ATP8B4: variants seen among roughly 807,000 people sequenced by gnomAD.
ATP8B4 encodes probable phospholipid-transporting ATPase IM.
In ATP8B4, 133 loss-of-function variants were observed where a neutral mutation model predicts 145.6. The observed-to-expected ratio is 0.91, with a 90% CI of 0.79 to 1.05. The LOEUF is 1.05. Ranked by LOEUF, ATP8B4 falls within the 50% of genes least tolerant of loss-of-function variation. The pLI is 0.00. For synonymous variants in ATP8B4, 507 were observed against 492.9 expected (o/e 1.03, Z -0.38); for missense variants, 1,458 against 1,425.2 (o/e 1.02, Z -0.37).
intron 1 of ATP8B4, among the ~76,000 whole-genome samples, chr15:50,116,463 G>T (rs2057163047): frequency 6.6e-6 from 1 of 152,142 alleles, no homozygotes; most frequent in Non-Finnish European, 1.5e-5. Context: ...GTTTGAACAT[G>T]TGGGCTTAAA....
chr15:49,954,484 C>CA (rs1203566169), intron 14 of ATP8B4, among the ~76,000 whole-genome samples: 1 of 151,834 alleles, frequency 6.6e-6, no homozygotes, highest in African/African-American at 2.4e-5. Context: ...AATCATCAAG[C>CA]AAAAAATGAA....
At chr15:50,117,152 C>T (rs1189190547) in intron 1 of ATP8B4, among the ~76,000 whole-genome samples, 8 of 152,206 alleles carry the variant, frequency 5.3e-5, no homozygotes, top group East Asian at 3.9e-4. Context: ...ACGGTTCAGG[C>T]GATTCTCCTG....
In ATP8B4 at chr15:49,913,063, C is replaced by T. The variant is rs151152270; in HGVS notation, c.2141+3871G>A. On this transcript the variant is annotated intron_variant, in intron 20 of 27. Coordinates refer to ENST00000284509, the MANE Select transcript of ATP8B4 (RefSeq NM_024837.4). ...GGAGGATCACTTGAGCCCCGGAGGT[C>T]GATGCTGCAGTGAGCTACGATTGCA... Among the ~76,000 whole-genome samples the T allele has an allele frequency of 4.3e-4, 65 of 151,350 alleles. 4 individuals carry two copies. The East Asian group carries it at 0.012, about 28-fold the overall frequency.
At chr15:49,976,417 ACT>A (rs2045668334) in intron 12 of ATP8B4, among the ~76,000 whole-genome samples, 1 of 102,460 alleles carries the variant, frequency 9.8e-6, no homozygotes, top group South Asian at 3.4e-4. Flanking sequence ...AACTCTTTAG[ACT>A]CTAATTTTAC....
chr15:49,864,447 A>G (rs992967329), intron 26 of ATP8B4, among the ~76,000 whole-genome samples: 23 of 152,198 alleles, frequency 1.5e-4, no homozygotes, highest in Non-Finnish European at 7.3e-5. Context: ...GTCACTGCGC[A>G]TCTCTCTTTT....
chr15:50,178,916 CTTATT>C (rs1284153449), intron 1 of ATP8B4, among the ~76,000 whole-genome samples: 1 of 152,092 alleles, frequency 6.6e-6, no homozygotes, highest in Non-Finnish European at 1.5e-5. Context: ...GAAGTCGTTA[CTTATT>C]TTGAGTCCCT....
rs369252303 is a variant in ATP8B4, at chr15:50,157,836, G to T, written c.-43+24425C>A. On this transcript the variant is annotated intron_variant, in intron 1 of 3. Transcript: ENST00000558829. ...GCTGGACTGTGCTGCTGCCATCTCG[G>T]CTCACTGCAACCTCCCTGCCTGATT... Among the ~76,000 whole-genome samples the T allele has an allele frequency of 5.1e-4, 78 of 152,232 alleles. 2 individuals carry two copies. The East Asian group carries it at 0.014, about 27-fold the overall frequency.
chr15:49,924,441 T>TCA lies in ATP8B4; in HGVS notation c.1643-949_1643-948dup, dbSNP rs200975286. Among the ~76,000 whole-genome samples the TCA allele has an allele frequency of 2.5e-3, 378 of 152,262 alleles. 2 individuals are homozygous for TCA. Among genetic ancestry groups the TCA allele is most frequent in the African/African-American group, 8.3e-3 (345 of 41,548 alleles). On this transcript the variant is annotated intron_variant, in intron 16 of 27. Transcript: ENST00000284509. ...GCCCTCATAGGCTTCATCAGTTCAG[T>TCA]CAAAGATCATTACATGCTTTCTACT... is the stretch of plus-strand genomic sequence containing the variant.
chr15:50,013,392 GC>G (rs1443661196), intron 6 of ATP8B4, among the ~76,000 whole-genome samples: 6 of 152,070 alleles, frequency 3.9e-5, no homozygotes, highest in African/African-American at 1.4e-4. Flanking sequence ...CTTTGCTTTT[GC>G]CATTGTCAAA....
intron 1 of ATP8B4, among the ~76,000 whole-genome samples, chr15:50,176,309 A>T (rs2044762383): frequency 6.6e-6 from 1 of 152,094 alleles, no homozygotes; most frequent in Admixed American, 6.5e-5. Context: ...GACATGTGGG[A>T]GCTAAGCTGT....
chr15:50,171,207 T>G (rs1289374106), intron 1 of ATP8B4, among the ~76,000 whole-genome samples: 1 of 152,126 alleles, frequency 6.6e-6, no homozygotes, highest in African/African-American at 2.4e-5. Context: ...ACAAACAGAC[T>G]TAACAGATAT....
intron 16 of ATP8B4, among the ~76,000 whole-genome samples, chr15:49,929,303 G>A (rs1269443451): frequency 1.3e-5 from 2 of 152,086 alleles, no homozygotes; most frequent in Non-Finnish European, 2.9e-5. Flanking sequence ...GTCTCCTCTT[G>A]TCTTAAATGG....
chr15:49,996,732 T>A lies in ATP8B4; in HGVS notation c.534A>T (p.Ala178=). 6.2e-7 allele frequency: 1 copy of A among 1,610,742 alleles called. No homozygotes were observed. The highest frequency in any genetic ancestry group is 1.1e-5 in the South Asian group (1 of 90,898). Residue 178 remains alanine (A), a synonymous_variant, in exon 9 of 28, where the codon GCA becomes GCT. Transcript: ENST00000284509. The stretch of plus-strand genomic sequence containing the variant: ...CTCCAAGTTCTGAAGTAACTGATAG[T>A]GCATGGCGGACTTTTAGGTTCGTTT... ...DGETNLKVRH[A]LSVTSELGAD...
intron 1 of ATP8B4, among the ~76,000 whole-genome samples, chr15:50,129,004 G>C (rs1257947460): frequency 6.6e-6 from 1 of 152,182 alleles, no homozygotes; most frequent in African/African-American, 2.4e-5. Flanking sequence ...GGAGGTGGAG[G>C]TTGCAGTGAG....
rs781672478 is a variant in ATP8B4 at position 49,864,475 on chromosome 15, A to G, written c.3166+1871T>C. Among the ~76,000 whole-genome samples, 49 of 152,174 alleles carry G rather than the reference A, an allele frequency of 3.2e-4. 1 individual carries two copies. The highest frequency in any genetic ancestry group is 5.7e-4 in the Non-Finnish European group (39 of 68,034). On this transcript the variant is annotated intron_variant, in intron 26 of 27. Coordinates refer to ENST00000284509, the MANE Select transcript of ATP8B4 (RefSeq NM_024837.4). ...TCTCTTTTCCAGTTTGTTTAGATGAACTCGGTTAGCAGCTTATTTCACACA... is the reference window on the plus strand; with the variant it reads ...TCTCTTTTCCAGTTTGTTTAGATGAGCTCGGTTAGCAGCTTATTTCACACA...
chr15:50,107,827 A>C (rs987568026), intron 1 of ATP8B4, among the ~76,000 whole-genome samples: 7 of 152,158 alleles, frequency 4.6e-5, no homozygotes, highest in Non-Finnish European at 2.9e-5. Flanking sequence ...TGACCAGAGA[A>C]GGGGAAGAAC....
chr15:50,118,456 C>G (rs986825797), intron 1 of ATP8B4, among the ~76,000 whole-genome samples: 13 of 152,214 alleles, frequency 8.5e-5, no homozygotes, highest in African/African-American at 3.1e-4. Context: ...TTCATGGGCA[C>G]AGGTGTTGGT....
chr15:50,135,371 C>A (rs2153679293), intron 1 of ATP8B4, among the ~76,000 whole-genome samples: 1 of 152,236 alleles, frequency 6.6e-6, no homozygotes, highest in South Asian at 2.1e-4. Flanking sequence ...ACCACTCCAC[C>A]ATCACTTGAC....
Position 49,979,649 on chromosome 15 carries a change from G to T in ATP8B4, c.1002C>A (p.Leu334=). 6.3e-7 allele frequency: 1 copy of T among 1,586,620 alleles called. No homozygotes were observed. The highest frequency in any genetic ancestry group is 8.6e-7 in the Non-Finnish European group (1 of 1,161,924). ...FLTFWSYIII[L]NTVVPISLYV... ...ATAAGGAAATGGGTACAACTGTATT[G>T]AGAATAATAATATATGACCAGAATG... is the stretch of plus-strand genomic sequence containing the variant. The change falls in exon 12 of 28, where the codon CTC becomes CTA. Residue 334 remains leucine, a synonymous_variant. Coordinates refer to ENST00000284509, the MANE Select transcript of ATP8B4 (RefSeq NM_024837.4).
Sources: allele counts gnomAD v4.1 joint callset (sites outside exome capture counted in the v4.1 genomes callset), GRCh38; gene constraint gnomAD v4.1.1; transcripts MANE v1.5; gene names NCBI Gene and HGNC (gene_info 2026-07-23, HGNC 2026-07-21).